TMEM132C: variants seen among roughly 807,000 people sequenced by gnomAD.
The protein encoded by TMEM132C is protein phosphatase 1, regulatory subunit 152.
A neutral mutation model predicts 61.4 loss-of-function variants in TMEM132C; 29 were observed. The observed-to-expected ratio is 0.47, with a 90% confidence interval of 0.35 to 0.64. The LOEUF is 0.64. TMEM132C is among the 30% of genes least tolerant of loss of function. The pLI is 0.00. For missense variants in TMEM132C, 1,408 were observed against 1,476.9 expected, an observed-to-expected ratio of 0.95 and a Z score of 0.76; for synonymous variants, 656 against 633.1, an observed-to-expected ratio of 1.04 and a Z score of -0.54.
chr12:128,358,171 C>A (rs944705832), intron 1 of TMEM132C, among the ~76,000 whole-genome samples: 1 of 152,104 alleles, frequency 6.6e-6, no homozygotes, highest in African/African-American at 2.4e-5. Context: ...CTGGAAGTTT[C>A]ACAGGGAGTG....
chr12:128,365,114 G>T (rs12422545), intron 1 of TMEM132C, among the ~76,000 whole-genome samples: 11,772 of 152,228 alleles, frequency 0.077, 598 homozygotes, highest in East Asian at 0.22. Context: ...GGTTTGAATT[G>T]TGAGAAGTGA....
chr12:128,507,943 TC>T (rs1872432148), intron 2 of TMEM132C, among the ~76,000 whole-genome samples: 1 of 152,172 alleles, frequency 6.6e-6, no homozygotes. Context: ...ACCGGTTTTT[TC>T]ACCCAGGTAC....
chr12:128,518,176 G>A (rs1436356148), intron 2 of TMEM132C, among the ~76,000 whole-genome samples: 3 of 152,202 alleles, frequency 2.0e-5, no homozygotes, highest in Non-Finnish European at 4.4e-5. Flanking sequence ...GGTGGATAAA[G>A]CTTGCATTTT....
chr12:128,618,679 C>T (rs552633167), intron 4 of TMEM132C, among the ~76,000 whole-genome samples: 12 of 152,284 alleles, frequency 7.9e-5, no homozygotes, highest in African/African-American at 2.4e-4. Context: ...TAAGGGGTTT[C>T]GCCTTTCACT....
At chr12:128,522,942 A>G (rs1196180083) in intron 2 of TMEM132C, among the ~76,000 whole-genome samples, 4 of 152,200 alleles carry the variant, frequency 2.6e-5, no homozygotes, top group Non-Finnish European at 5.9e-5. Context: ...GAACTCAAAG[A>G]GATAGTTACA....
At chr12:128,611,410 G>C (rs1876629625) in intron 3 of TMEM132C, among the ~76,000 whole-genome samples, 1 of 151,880 alleles carries the variant, frequency 6.6e-6, no homozygotes, top group Admixed American at 6.6e-5. Context: ...ACTTGTTGGA[G>C]GCCTAATGTT....
At chr12:128,461,549 C>T (rs911693883) in intron 2 of TMEM132C, among the ~76,000 whole-genome samples, 71 of 152,178 alleles carry the variant, frequency 4.7e-4, no homozygotes, top group Middle Eastern at 6.8e-3. Context: ...TCCTCATTTC[C>T]GGGAGCTCCT....
At chr12:128,348,063 TCCA>T (rs2135960250) in intron 1 of TMEM132C, among the ~76,000 whole-genome samples, 1 of 152,348 alleles carries the variant, frequency 6.6e-6, no homozygotes, top group African/African-American at 2.4e-5. Context: ...CATCTTCCAG[TCCA>T]TGAACATGGG....
At chr12:128,645,793 G>C (rs1035971263) in intron 4 of TMEM132C, among the ~76,000 whole-genome samples, 1 of 151,336 alleles carries the variant, frequency 6.6e-6, no homozygotes, top group African/African-American at 2.4e-5. Context: ...GTCCATCGGC[G>C]TGGGATATGA....
At chr12:128,606,962 T>C (rs1279100999) in intron 3 of TMEM132C, among the ~76,000 whole-genome samples, 1 of 152,154 alleles carries the variant, frequency 6.6e-6, no homozygotes, top group Non-Finnish European at 1.5e-5. Context: ...GCTTACATTT[T>C]AGATAAGAGG....
At chr12:128,317,529 T>A (rs1233076578) in intron 1 of TMEM132C, among the ~76,000 whole-genome samples, 1 of 152,226 alleles carries the variant, frequency 6.6e-6, no homozygotes, top group Non-Finnish European at 1.5e-5. Flanking sequence ...CTTTTCTGTT[T>A]CCTTTTACAT....
intron 2 of TMEM132C, among the ~76,000 whole-genome samples, chr12:128,458,763 C>G (rs1870434024): frequency 6.6e-6 from 1 of 152,182 alleles, no homozygotes; most frequent in South Asian, 2.1e-4. Context: ...ATGAGGTAAA[C>G]TGAATGTGGA....
chr12:128,558,812 C>A (rs1057322390), intron 3 of TMEM132C, among the ~76,000 whole-genome samples: 1 of 152,226 alleles, frequency 6.6e-6, no homozygotes, highest in South Asian at 2.1e-4. Flanking sequence ...ATTGACTATT[C>A]TTTGCTTTGA....
intron 5 of TMEM132C, among the ~76,000 whole-genome samples, chr12:128,687,028 C>G (rs1045976733): frequency 6.6e-6 from 1 of 151,740 alleles, no homozygotes; most frequent in African/African-American, 2.4e-5. Flanking sequence ...GAAACCTCAT[C>G]TTTACTAAAA....
intron 2 of TMEM132C, among the ~76,000 whole-genome samples, chr12:128,427,139 G>T (rs1474450642): frequency 6.6e-6 from 1 of 152,020 alleles, no homozygotes; most frequent in Non-Finnish European, 1.5e-5. Flanking sequence ...TTGCTCCAGG[G>T]TTCCTGAATA....
chr12:128,616,274 T>C lies in TMEM132C; in HGVS notation c.1244T>C (p.Ile415Thr). The change falls in exon 4 of 9, where the codon ATC becomes ACC. Residue 415 changes from isoleucine (I) to threonine (T), a missense_variant. Coordinates refer to ENST00000435159, the MANE Select transcript of TMEM132C (RefSeq NM_001136103.3). ...TACCCACGGAAGGGGACCACAGACA[T>C]CGCCGTGTCCGAGATCTTTGTCAGC... ...VEYPRKGTTD[I>T]AVSEIFVSQK... 1 of 1,551,806 alleles carries C rather than the reference T, an allele frequency of 6.4e-7. No individual in the cohort carries two copies. The highest frequency in any genetic ancestry group is 8.7e-7 in the Non-Finnish European group (1 of 1,147,008).
chr12:128,579,460 C>T (rs958027152), intron 3 of TMEM132C, among the ~76,000 whole-genome samples: 1 of 152,204 alleles, frequency 6.6e-6, no homozygotes, highest in African/African-American at 2.4e-5. Flanking sequence ...ACCCACCCCT[C>T]CTCCCAACAA....
At chr12:128,618,377 G>T (rs764274164) in intron 4 of TMEM132C, among the ~76,000 whole-genome samples, 5 of 152,146 alleles carry the variant, frequency 3.3e-5, no homozygotes, top group African/African-American at 4.8e-5. Flanking sequence ...GGATCCTTTT[G>T]TTTGCAAGTA....
intron 4 of TMEM132C, among the ~76,000 whole-genome samples, chr12:128,666,527 A>C (rs1379398880): frequency 6.6e-6 from 1 of 152,262 alleles, no homozygotes; most frequent in South Asian, 2.1e-4. Flanking sequence ...GATAGATGAC[A>C]TAGCCCAACC....
Sources: allele counts gnomAD v4.1 joint callset (sites outside exome capture counted in the v4.1 genomes callset), GRCh38; gene constraint gnomAD v4.1.1; transcripts MANE v1.5; gene names NCBI Gene and HGNC (gene_info 2026-07-23, HGNC 2026-07-21).